The following ATRX variants were observed in gnomAD, a reference collection of about 807,000 sequenced individuals.
ATRX encodes chromatin remodeler ATRX.
Under a neutral mutation model 172.6 loss-of-function variants are expected in ATRX, and 12 were observed. The ratio of observed to expected loss-of-function variants is 0.07; its 90% CI spans 0.04 to 0.11. ATRX has a LOEUF of 0.11. Ranked by LOEUF, ATRX falls within the 10% of genes least tolerant of loss-of-function variation. The pLI, the probability that ATRX is intolerant of heterozygous loss-of-function variation, is 1.00. For missense variants in ATRX, 1,368 were observed against 1,767.4 expected, an observed-to-expected ratio of 0.77 and a Z score of 4.05; for synonymous variants, 674 against 594.7, an observed-to-expected ratio of 1.13 and a Z score of -1.94.
At position 77,656,563 on chromosome X, in the gene ATRX, G is replaced by C; in HGVS notation, c.4211C>G (p.Thr1404Arg). 4.1e-6 allele frequency: 5 copies of C among 1,205,702 alleles called. No individual in the cohort carries two copies. The highest frequency in any genetic ancestry group is 1.7e-5 in the African/African-American group (1 of 57,658). Residue 1404 changes from threonine (T) to arginine (R), a missense_variant, in exon 13 of 35, where the codon ACA becomes AGA. By Grantham distance (71) the Thr-to-Arg change is moderately conservative (BLOSUM62 -1). Coordinates refer to ENST00000373344, the MANE Select transcript of ATRX (RefSeq NM_000489.6). ...SESEDEQRPR[T>R]RSAKKAELEE... ...TTTTAAAAACCAATTATAATACCTT[G>C]TTCTGGGCCGCTGTTCATCTTCGGA... is the stretch of plus-strand genomic sequence containing the variant.
In ATRX at chrX:77,717,158, G is replaced by A. The variant is rs1463852072; in HGVS notation, c.106C>T (p.Pro36Ser). Residue 36 changes from proline to serine, a missense_variant, in exon 2 of 35, where the codon CCA (proline) becomes TCA (serine). Coordinates refer to ENST00000373344, the MANE Select transcript of ATRX (RefSeq NM_000489.6). ...GTGTTTTGATTCATTGCAAGTCGTG[G>A]AGGAGAACTTGTTTCTTCAGATTCT... ...SEESEETSSP[P>S]RLAMNQNTDK... 12 of 1,207,286 alleles carry A rather than the reference G, an allele frequency of 9.9e-6. No homozygotes were observed. The highest frequency in any genetic ancestry group is 1.3e-5 in the Non-Finnish European group (12 of 892,815).
intron 1 of ATRX, among the ~76,000 whole-genome samples, chrX:77,757,468 G>C (rs2075546583): frequency 9.0e-6 from 1 of 111,246 alleles, no homozygotes; most frequent in South Asian, 3.8e-4. Flanking sequence ...AGATGCAAAT[G>C]GAACTCTTAC....
intron 11 of ATRX, 48 bp downstream of exon 11, chrX:77,664,597 T>C: frequency 8.4e-7 from 1 of 1,195,182 alleles, no homozygotes; most frequent in Non-Finnish European, 1.1e-6. Flanking sequence ...ACTGAATTAG[T>C]CAAGGAATCA....
intron 1 of ATRX, among the ~76,000 whole-genome samples, chrX:77,742,562 C>T (rs1281845145): frequency 8.9e-6 from 1 of 111,840 alleles, no homozygotes; most frequent in African/African-American, 3.2e-5. Context: ...CATCCAGGTA[C>T]AAGAGCTAAA....
At chrX:77,554,357 T>G (rs1312290655) in intron 30 of ATRX, among the ~76,000 whole-genome samples, 1 of 111,464 alleles carries the variant, frequency 9.0e-6, no homozygotes, top group Admixed American at 9.5e-5. Flanking sequence ...TAGTCTATTA[T>G]CAGTTGAGTT....
At chrX:77,643,699 T>A (rs2068772259) in intron 15 of ATRX, among the ~76,000 whole-genome samples, 1 of 111,138 alleles carries the variant, frequency 9.0e-6, no homozygotes, top group African/African-American at 3.3e-5. Context: ...ACTACAGGTA[T>A]GAGCCACCAC....
At chrX:77,703,536 C>T (rs1009192006) in intron 2 of ATRX, among the ~76,000 whole-genome samples, 4 of 112,409 alleles carry the variant, frequency 3.6e-5, no homozygotes. Flanking sequence ...CACCAGGAAC[C>T]GCAGGCAGGG....
intron 1 of ATRX, among the ~76,000 whole-genome samples, chrX:77,738,542 T>G (rs1362742353): frequency 1.9e-5 from 2 of 106,164 alleles, no homozygotes; most frequent in Non-Finnish European, 3.9e-5. Context: ...ATGTTTTTTT[T>G]GTTTCTCTTT....
chrX:77,697,894 A>G (rs2072273585), intron 3 of ATRX, among the ~76,000 whole-genome samples: 1 of 111,962 alleles, frequency 8.9e-6, no homozygotes, highest in African/African-American at 3.2e-5. Context: ...CGTTTTTTAC[A>G]TGGTTGCTGT....
chrX:77,602,762 A>C (rs1485149991), intron 22 of ATRX, among the ~76,000 whole-genome samples: 4 of 111,142 alleles, frequency 3.6e-5, no homozygotes, highest in Non-Finnish European at 7.5e-5. Flanking sequence ...GAATGTGGTT[A>C]AAGAAAATAC....
chrX:77,704,849 C>G (rs2072727566), intron 2 of ATRX, among the ~76,000 whole-genome samples: 1 of 112,220 alleles, frequency 8.9e-6, no homozygotes, highest in Admixed American at 9.3e-5. Flanking sequence ...CAAGGGGGGC[C>G]TTCCCAGGCC....
chrX:77,571,479 C>T (rs962553199), intron 28 of ATRX, among the ~76,000 whole-genome samples: 2 of 111,387 alleles, frequency 1.8e-5, no homozygotes. Context: ...AGAATGATAC[C>T]ATTTATATGA....
intron 15 of ATRX, among the ~76,000 whole-genome samples, chrX:77,647,184 G>T (rs2068962512): frequency 1.8e-5 from 2 of 111,753 alleles, no homozygotes; most frequent in Non-Finnish European, 3.8e-5. Flanking sequence ...TCAAGTAAAA[G>T]ATCACAAGGA....
At chrX:77,748,751 T>A (rs1557186224) in intron 1 of ATRX, among the ~76,000 whole-genome samples, 2 of 109,307 alleles carry the variant, frequency 1.8e-5, no homozygotes, top group African/African-American at 6.7e-5. Context: ...CATGACTGGC[T>A]AATTTTTATA....
chrX:77,522,811 T>C (rs1467830959), intron 31 of ATRX, among the ~76,000 whole-genome samples: 2 of 112,018 alleles, frequency 1.8e-5, no homozygotes, highest in Admixed American at 9.5e-5. Flanking sequence ...CTGGAGCAAA[T>C]GGCATTAATG....
chrX:77,590,752 A>AT (rs1473590776), intron 26 of ATRX, among the ~76,000 whole-genome samples: 1 of 112,024 alleles, frequency 8.9e-6, no homozygotes, highest in African/African-American at 3.2e-5. Flanking sequence ...TATGCAAAAA[A>AT]TAACTTAAAA....
chrX:77,771,519 C>G (rs782178959), intron 1 of ATRX, among the ~76,000 whole-genome samples: 1 of 110,651 alleles, frequency 9.0e-6, no homozygotes, highest in South Asian at 3.8e-4. Context: ...CTAGACATAA[C>G]CCGTTCCACC....
chrX:77,593,017 A>G (rs947888408), intron 26 of ATRX, among the ~76,000 whole-genome samples: 5 of 108,994 alleles, frequency 4.6e-5, no homozygotes, highest in African/African-American at 1.3e-4. Flanking sequence ...TGAGCTCAAG[A>G]GTTCGAGATC....
At chrX:77,556,211 A>AG (rs2064778463) in intron 30 of ATRX, among the ~76,000 whole-genome samples, 3 of 15,808 alleles carry the variant, frequency 1.9e-4, no homozygotes, top group East Asian at 2.4e-3. Flanking sequence ...GAGAGGGGGA[A>AG]AGGGAGAGAG....
Sources: allele counts gnomAD v4.1 joint callset (sites outside exome capture counted in the v4.1 genomes callset), GRCh38; gene constraint gnomAD v4.1.1; transcripts MANE v1.5; gene names NCBI Gene and HGNC (gene_info 2026-07-23, HGNC 2026-07-21).